DGKD: variants seen among roughly 807,000 people sequenced by gnomAD.
DGKD encodes the protein DAG kinase delta.
A neutral mutation model predicts 154.4 loss-of-function variants in DGKD; 68 were observed. That is an observed-to-expected ratio of 0.44 (90% CI 0.36 to 0.54). DGKD has a LOEUF of 0.54. Ranked by LOEUF, DGKD falls within the 20% of genes least tolerant of loss-of-function variation. The probability of loss-of-function intolerance (pLI) is 0.00; values close to 1 mark genes in which losing one functional copy is unlikely to be tolerated. For synonymous variants in DGKD, 693 were observed against 638.0 expected (o/e 1.09, Z -1.30); for missense variants, 1,343 against 1,593.6 (o/e 0.84, Z 2.68).
intron 3 of DGKD, among the ~76,000 whole-genome samples, chr2:233,432,600 A>G (rs2062566749): frequency 6.6e-6 from 1 of 152,232 alleles, no homozygotes; most frequent in Non-Finnish European, 1.5e-5. Flanking sequence ...CGGAGTTTGC[A>G]GTGAGCGGAG....
intron 10 of DGKD, among the ~76,000 whole-genome samples, chr2:233,442,829 C>T (rs2062945256): frequency 6.6e-6 from 1 of 152,198 alleles, no homozygotes; most frequent in African/African-American, 2.4e-5. Context: ...TGGTCTCGAT[C>T]TCTTGACCTC....
rs768337106 is a variant in DGKD, at chr2:233,459,865, C to T, written c.2803C>T (p.Arg935Trp). The T allele has an allele frequency of 1.9e-6, 3 of 1,613,986 alleles. No individual in the cohort carries two copies. Among genetic ancestry groups the T allele is most frequent in the East Asian group, 2.2e-5 (1 of 44,872 alleles). The change falls in exon 23 of 30, where the codon CGG becomes TGG. Residue 935 changes from arginine (R) to tryptophan (W), a missense_variant. Arg to Trp is a moderately radical substitution (Grantham distance 101). Around this residue, in one of 6 missense-constraint regions of DGKD, gnomAD observed 429 missense variants for 496.3 expected, o/e 0.86. Coordinates refer to ENST00000264057, the MANE Select transcript of DGKD (RefSeq NM_152879.3). This position sits in a 1 kb window ranked among gnomAD's most constrained non-coding sequence, Gnocchi z 5.7. ...PGYIRIVHKN[R>W]AQTLTRDRAF... Reference sequence around the variant, plus strand: ...GTACATTCGGATTGTCCACAAGAACCGGGCACAGACACTGACCAGAGACAG... The same window carrying T: ...GTACATTCGGATTGTCCACAAGAACTGGGCACAGACACTGACCAGAGACAG...
intron 3 of DGKD, among the ~76,000 whole-genome samples, chr2:233,417,334 C>G (rs911899788): frequency 1.3e-5 from 2 of 152,120 alleles, no homozygotes; most frequent in African/African-American, 2.4e-5. Context: ...CGCCTAGCCC[C>G]CCTTGTGCAT....
At chr2:233,420,962 G>A (rs977943813) in intron 3 of DGKD, among the ~76,000 whole-genome samples, 3 of 152,190 alleles carry the variant, frequency 2.0e-5, no homozygotes, top group African/African-American at 7.2e-5. Flanking sequence ...GGATAGAATT[G>A]CCAGGTGTGT....
In DGKD at chr2:233,458,444, G is replaced by A. The variant is rs145912870; in HGVS notation, c.2694+47G>A. On this transcript the variant is annotated intron_variant, in intron 22 of 29. Transcript: ENST00000264057. The surrounding 1 kb of genome is among the most constrained non-coding windows in gnomAD (Gnocchi z 6.6). ...TGTCTGGCCGAGTCCCCAGCCCGGAGTGTGCTAAATTCTGGGGCAGTGCAT... is the reference window on the plus strand; with the variant it reads ...TGTCTGGCCGAGTCCCCAGCCCGGAATGTGCTAAATTCTGGGGCAGTGCAT... 4.7e-6 allele frequency: 7 copies of A among 1,488,102 alleles called. No homozygotes were observed. The highest frequency in any genetic ancestry group is 4.6e-5 in the East Asian group (2 of 43,582). 92.2% of individuals were successfully genotyped at this position (1,488,102 alleles called of 1,614,324 possible). A position where few individuals can be genotyped will look rare whatever the true frequency, so the allele number is the denominator to read the frequency against.
intron 28 of DGKD, 87 bp downstream of exon 28, chr2:233,467,290 C>A: frequency 1.1e-6 from 1 of 930,390 alleles, no homozygotes; most frequent in Non-Finnish European, 1.8e-6. Context: ...TCTCCCTTGG[C>A]CTTGCAGCTC....
chr2:233,385,589 A>G (rs1231844133), intron 1 of DGKD, among the ~76,000 whole-genome samples: 1 of 152,184 alleles, frequency 6.6e-6, no homozygotes, highest in African/African-American at 2.4e-5. Flanking sequence ...CGAACTGTGC[A>G]GGGGCCTGGC....
rs1208746939 is a variant in DGKD, at chr2:233,445,232, C to T, written c.1195-391C>T. 6.6e-6 allele frequency among the ~76,000 whole-genome samples: 1 copy of T among 150,774 alleles called. No individual in the cohort carries two copies. Among genetic ancestry groups the T allele is most frequent in the Non-Finnish European group, 1.5e-5 (1 of 67,760 alleles). On this transcript the variant is annotated intron_variant, in intron 10 of 29. Coordinates refer to ENST00000264057, the MANE Select transcript of DGKD (RefSeq NM_152879.3). This position sits in a 1 kb window ranked among gnomAD's most constrained non-coding sequence, Gnocchi z 5.5. ...TGAGATGCTGTAGTGGATGGAGGGACGGGTGGCGAGGCATCAGAGTGATTC... is the reference window on the plus strand; with the variant it reads ...TGAGATGCTGTAGTGGATGGAGGGATGGGTGGCGAGGCATCAGAGTGATTC...
At chr2:233,447,492 G>A in intron 12 of DGKD, 1 of 985,170 alleles carries the variant, frequency 1.0e-6, no homozygotes, top group Non-Finnish European at 1.2e-6. Flanking sequence ...AGACTGGTTT[G>A]TACATTTTTT....
chr2:233,358,455 A>C (rs1701625851), intron 1 of DGKD, among the ~76,000 whole-genome samples: 2 of 152,246 alleles, frequency 1.3e-5, no homozygotes, highest in South Asian at 4.1e-4. Context: ...AATGCACCGC[A>C]GTTTTATGAG....
Position 233,434,986 on chromosome 2 carries a change from CATAA to C in DGKD, c.586+90_586+93del, listed in dbSNP as rs2125590399. ...GCCTTGGAAATCCAAACCCAGTCAC[CATAA>C]ATAAGCCGTTGTCACCCATGTGGTC... On this transcript the variant is annotated intron_variant, in intron 5 of 29. Transcript: ENST00000264057. The C allele has an allele frequency of 2.0e-6, 3 of 1,534,764 alleles. No individual in the cohort carries two copies. In the South Asian group the frequency reaches 3.7e-5, roughly 19 times the overall value.
chr2:233,355,560 G>C (rs1385599419), intron 1 of DGKD, among the ~76,000 whole-genome samples: 1 of 152,204 alleles, frequency 6.6e-6, no homozygotes, highest in African/African-American at 2.4e-5. Context: ...CTCCGGGGCG[G>C]ATTAGGTTCA....
At chr2:233,462,324 G>T (rs371261923) in intron 24 of DGKD, 24 bp from the exon 25 acceptor site, 1 of 1,576,440 alleles carries the variant, frequency 6.3e-7, no homozygotes, top group Non-Finnish European at 8.7e-7. Flanking sequence ...CCTGACATCT[G>T]CCCGTGCTTC....
In DGKD at chr2:233,446,719, G is replaced by A. The variant is rs113584338; in HGVS notation, c.1342G>A (p.Val448Ile). The part of the protein sequence containing the change: ...ASTKMLDRWS[V>I]MAYEAKLPRQ... ...CTGACCTTGTGTGTGCAGGTGGAGC[G>A]TCATGGCATACGAGGCCAAGCTCCC... The change falls in exon 12 of 30, where the codon GTC becomes ATC. Residue 448 changes from valine to isoleucine, a missense_variant. Val to Ile is a conservative substitution (Grantham distance 29). This residue lies in a region of DGKD where 409 missense variants were observed against 446.0 expected (regional missense o/e 0.92). Coordinates refer to ENST00000264057, the MANE Select transcript of DGKD (RefSeq NM_152879.3). The A allele has an allele frequency of 1.4e-4, 226 of 1,613,812 alleles. 1 individual carries two copies. The highest frequency in any genetic ancestry group is 1.1e-3 in the African/African-American group (86 of 75,052).
At position 233,471,994 on chromosome 2, in the gene DGKD, G is replaced by A. The variant is rs899807786; in HGVS notation, c.*2534G>A. On this transcript the variant is annotated 3_prime_UTR_variant, in exon 30 of 30. Coordinates refer to ENST00000264057, the MANE Select transcript of DGKD (RefSeq NM_152879.3). ...AATCTTAATTTATATAGTGACCACC[G>A]TGGAAACAAACGCCTCTTGTATTGT... The A allele has an allele frequency of 6.6e-6, 1 of 152,366 alleles. No individual in the cohort carries two copies. The highest frequency in any genetic ancestry group is 1.5e-5 in the Non-Finnish European group (1 of 68,046). 9.4% of individuals were successfully genotyped at this position (152,366 alleles called of 1,614,324 possible). A position where few individuals can be genotyped will look rare whatever the true frequency, so the allele number is the denominator to read the frequency against.
At chr2:233,410,422 G>T (rs1171491349) in intron 3 of DGKD, among the ~76,000 whole-genome samples, 6 of 152,162 alleles carry the variant, frequency 3.9e-5, no homozygotes, top group Non-Finnish European at 7.4e-5. Context: ...TGAGGAACTT[G>T]ATGGTTTGCT....
rs1389867149 is a variant in DGKD, at chr2:233,471,561, A to G, written c.*2101A>G. The G allele has an allele frequency of 6.6e-6, 1 of 152,390 alleles. No individual in the cohort carries two copies. The highest frequency in any genetic ancestry group is 2.4e-5 in the African/African-American group (1 of 41,456). The allele number at this position is 152,390 out of a possible 1,614,324, so 9.4% of individuals were successfully genotyped here. On this transcript the variant is annotated 3_prime_UTR_variant, in exon 30 of 30. Coordinates refer to ENST00000264057, the MANE Select transcript of DGKD (RefSeq NM_152879.3). ...GGTGGGGAGGGGACATGAGGAGGAT[A>G]AACAGCTGACTGTGGCTTCAAGGAC...
chr2:233,403,516 G>T (rs992627359), intron 3 of DGKD, among the ~76,000 whole-genome samples: 1 of 151,712 alleles, frequency 6.6e-6, no homozygotes, highest in African/African-American at 2.4e-5. Context: ...AGCCAAGATC[G>T]CACCGTTGCA....
At chr2:233,426,604 G>T (rs2062310728) in intron 3 of DGKD, among the ~76,000 whole-genome samples, 1 of 152,144 alleles carries the variant, frequency 6.6e-6, no homozygotes. Context: ...TTCTTTCGCT[G>T]TTGTAAGATT....
Sources: gnomAD v4.1 joint callset for allele counts (sites outside exome capture counted in the v4.1 genomes callset) on GRCh38, gnomAD v4.1.1 for gene constraint, gnomAD v4.1.1 regional missense constraint, Gnocchi (gnomAD v3.1) non-coding constraint, MANE v1.5 for transcripts, NCBI Gene and HGNC (gene_info 2026-07-23, HGNC 2026-07-21) for gene names.